Variants in RAI14 observed in about 807,000 individuals in gnomAD.
RAI14 encodes the protein ankycorbin.
A neutral mutation model predicts 115.4 loss-of-function variants in RAI14; 45 were observed. The observed-to-expected ratio is 0.39, with a 90% confidence interval of 0.31 to 0.50. RAI14 has a LOEUF of 0.50. Ranked by LOEUF, RAI14 falls within the 20% of genes least tolerant of loss-of-function variation. The pLI, the probability that RAI14 is intolerant of heterozygous loss-of-function variation, is 0.85. For missense variants in RAI14, 939 were observed against 1,131.2 expected (o/e 0.83, Z 2.44); for synonymous variants, 371 against 415.4 (o/e 0.89, Z 1.30).
rs573156002 is a variant in RAI14 at position 34,821,794 on chromosome 5, C to G, written c.1057C>G (p.Gln353Glu). The change falls in exon 14 of 18, where the codon CAA becomes GAA. Residue 353 changes from glutamine (Q) to glutamate (E), a missense_variant. Coordinates refer to ENST00000265109, the MANE Select transcript of RAI14 (RefSeq NM_015577.3). Reference protein sequence around the residue: ...ADQQDLLSLLQAKVASLTLHN... With the variant: ...ADQQDLLSLLEAKVASLTLHN... ...CCAACAAGATCTTCTCTCTCTATTG[C>G]AAGCAAAAGTTGCTTCCCTTACCTT... 86 of 1,612,596 alleles carry G rather than the reference C, an allele frequency of 5.3e-5. 1 individual carries two copies. The South Asian group carries it at 9.0e-4, about 17-fold the overall frequency.
At chr5:34,718,399 A>G (rs1742252417) in intron 2 of RAI14, among the ~76,000 whole-genome samples, 1 of 152,354 alleles carries the variant, frequency 6.6e-6, no homozygotes, top group Admixed American at 6.5e-5. Context: ...AAGAACTTTT[A>G]GCTGTTCTGT....
chr5:34,763,223 C>T (rs187789650), intron 3 of RAI14, among the ~76,000 whole-genome samples: 4 of 152,156 alleles, frequency 2.6e-5, no homozygotes, highest in Admixed American at 2.6e-4. Context: ...GCAGTTCAGT[C>T]TTGGAAATCG....
Position 34,766,971 on chromosome 5 carries a change from TG to T in RAI14, c.167+9374del, listed in dbSNP as rs1225063417. 5.3e-5 allele frequency among the ~76,000 whole-genome samples: 8 copies of T among 152,262 alleles called. No individual in the cohort carries two copies. In the South Asian group the frequency reaches 1.7e-3, roughly 32 times the overall value. On this transcript the variant is annotated intron_variant, in intron 3 of 17. Coordinates refer to ENST00000265109, the MANE Select transcript of RAI14 (RefSeq NM_015577.3). ...TGGTTTTAGTAGGGGTTTCCACTTT[TG>T]CATCTTCGTCATTTTTCTCTTGCCA...
chr5:34,718,986 G>T (rs78974193), intron 2 of RAI14, among the ~76,000 whole-genome samples: 13 of 152,156 alleles, frequency 8.5e-5, no homozygotes. Flanking sequence ...TCATTTAGCC[G>T]GTACTGTATG....
chr5:34,762,928 CATGTGTGTGTGTGT>C (rs1452402480), intron 3 of RAI14, among the ~76,000 whole-genome samples: 17 of 98,826 alleles, frequency 1.7e-4, no homozygotes, highest in Non-Finnish European at 3.3e-4. Context: ...GGAGTGTGTG[CATGTGTGTGTGTGT>C]GTGTGTGTGT....
At chr5:34,664,321 A>G (rs1742931200) in intron 1 of RAI14, among the ~76,000 whole-genome samples, 1 of 150,798 alleles carries the variant, frequency 6.6e-6, no homozygotes, top group Admixed American at 6.7e-5. Context: ...ACAAAACCCC[A>G]TATCTACTTT....
chr5:34,801,797 A>T (rs1480225485), intron 4 of RAI14, among the ~76,000 whole-genome samples: 1 of 151,994 alleles, frequency 6.6e-6, no homozygotes, highest in Non-Finnish European at 1.5e-5. Flanking sequence ...TTGGCCAGGA[A>T]TGGTGGCTCA....
At chr5:34,742,242 T>C (rs1580097683) in intron 2 of RAI14, among the ~76,000 whole-genome samples, 1 of 152,274 alleles carries the variant, frequency 6.6e-6, no homozygotes. Flanking sequence ...CTATGGGGCA[T>C]CTTGATTGCC....
chr5:34,666,516 T>G (rs1181508523), intron 1 of RAI14, among the ~76,000 whole-genome samples: 2 of 152,194 alleles, frequency 1.3e-5, no homozygotes, highest in Non-Finnish European at 2.9e-5. Flanking sequence ...GAACTGACCC[T>G]CAGCTGGAAG....
At chr5:34,815,666 A>G (rs2150274585) in intron 12 of RAI14, among the ~76,000 whole-genome samples, 1 of 152,268 alleles carries the variant, frequency 6.6e-6, no homozygotes, top group Non-Finnish European at 1.5e-5. Context: ...GGTATTGGGG[A>G]GATGTTGGCT....
intron 2 of RAI14, among the ~76,000 whole-genome samples, chr5:34,699,921 T>G: frequency 6.6e-6 from 1 of 152,140 alleles, no homozygotes. Context: ...CAAAACATGC[T>G]TCAGTGACAG....
intron 3 of RAI14, among the ~76,000 whole-genome samples, chr5:34,759,001 C>T (rs1287553225): frequency 2.0e-5 from 3 of 152,202 alleles, no homozygotes; most frequent in Non-Finnish European, 4.4e-5. Context: ...GTGGCTCCCG[C>T]CTGTAATCCC....
At chr5:34,798,467 T>G (rs545933087) in intron 4 of RAI14, among the ~76,000 whole-genome samples, 151 of 152,236 alleles carry the variant, frequency 9.9e-4, no homozygotes, top group Non-Finnish European at 1.9e-3. Context: ...TTCTATTTTG[T>G]TGTATTTCCT....
rs142866074 is a variant in RAI14, at chr5:34,802,418, A to G, written c.257-1294A>G. Among the ~76,000 whole-genome samples, 84 of 152,298 alleles carry G rather than the reference A, an allele frequency of 5.5e-4. No homozygotes were observed. The East Asian group carries it at 0.015, about 28-fold the overall frequency. ...TATGGGAGTTATCTACAGGTGTTAT[A>G]TTATGTCAAATAGCTTGGGAAATCC... On this transcript the variant is annotated intron_variant, in intron 4 of 17. Coordinates refer to ENST00000265109, the MANE Select transcript of RAI14 (RefSeq NM_015577.3).
chr5:34,753,991 G>A (rs1201010984), intron 2 of RAI14, among the ~76,000 whole-genome samples: 2 of 151,502 alleles, frequency 1.3e-5, no homozygotes, highest in Admixed American at 6.6e-5. Flanking sequence ...TGGGGCAGGA[G>A]AGTCGCTTGA....
chr5:34,678,110 T>C (rs552888113), intron 1 of RAI14, among the ~76,000 whole-genome samples: 1 of 151,878 alleles, frequency 6.6e-6, no homozygotes, highest in African/African-American at 2.4e-5. Flanking sequence ...TTTTGTTTTT[T>C]TTTTTGAGAC....
Position 34,699,807 on chromosome 5 carries a change from T to G in RAI14, c.36+12852T>G, listed in dbSNP as rs747988899. Among the ~76,000 whole-genome samples, 6 of 152,214 alleles carry G rather than the reference T, an allele frequency of 3.9e-5. No homozygotes were observed. The East Asian group carries it at 5.8e-4, about 15-fold the overall frequency. The stretch of plus-strand genomic sequence containing the variant: ...TGTTTGCTGTCAGGAGAACAAAATA[T>G]GATGATTCCAGCCGGCCAAGTAAAG... On this transcript the variant is annotated intron_variant, in intron 2 of 17. Transcript: ENST00000265109.
intron 2 of RAI14, chr5:34,728,610 C>CTT (rs2150015365): frequency 6.6e-6 from 1 of 152,226 alleles, no homozygotes; most frequent in East Asian, 1.9e-4. Flanking sequence ...TGCCTTTGCT[C>CTT]TTCCTTTGTC....
At position 34,713,495 on chromosome 5, in the gene RAI14, A is replaced by C. The variant is rs1235515614; in HGVS notation, c.36+26540A>C. On this transcript the variant is annotated intron_variant, in intron 2 of 17. Coordinates refer to ENST00000265109, the MANE Select transcript of RAI14 (RefSeq NM_015577.3). ...TCTAATACTGGAGTTATTAGAAAAA[A>C]AAACAAACCCAAAACTTAAAAAGGA... Among the ~76,000 whole-genome samples, 6 of 152,332 alleles carry C rather than the reference A, an allele frequency of 3.9e-5. No homozygotes were observed. In the South Asian group the frequency reaches 1.2e-3, roughly 32 times the overall value.
Sources: gnomAD v4.1 joint callset for allele counts (sites outside exome capture counted in the v4.1 genomes callset) on GRCh38, gnomAD v4.1.1 for gene constraint, MANE v1.5 for transcripts, NCBI Gene and HGNC (gene_info 2026-07-23, HGNC 2026-07-21) for gene names.